The following DNM3 variants were observed in gnomAD, a reference collection of about 807,000 sequenced individuals.
The protein encoded by DNM3 is dynamin 3.
DNM3 carries 47 observed loss-of-function variants against 101.6 expected under a neutral mutation model. That is an observed-to-expected ratio of 0.46 (90% CI 0.37 to 0.59). The LOEUF is 0.59. Ranked by LOEUF, DNM3 falls within the 20% of genes least tolerant of loss-of-function variation. DNM3 has a pLI of 0.00. For missense variants in DNM3, 849 were observed against 1,085.7 expected (o/e 0.78, Z 3.06); for synonymous variants, 385 against 387.9 (o/e 0.99, Z 0.09).
intron 15 of DNM3, among the ~76,000 whole-genome samples, chr1:172,257,731 C>G (rs953637950): frequency 6.6e-6 from 1 of 152,092 alleles, no homozygotes. Context: ...GTCCTCACTT[C>G]TAGCTATTTT....
At chr1:172,412,806 T>G (rs2071284596), downstream of DNM3, 1 of 922,150 alleles carries the variant, frequency 1.1e-6, no homozygotes, top group Non-Finnish European at 1.3e-6. Flanking sequence ...GCTCTTTTGA[T>G]TAAATTGTCC....
chr1:172,166,292 G>C (rs188660541), intron 14 of DNM3, among the ~76,000 whole-genome samples: 35 of 152,204 alleles, frequency 2.3e-4, no homozygotes, highest in African/African-American at 8.2e-4. Flanking sequence ...AATTAAATAG[G>C]TGATTAGCTT....
chr1:171,970,228 TA>T (rs371951801), intron 2 of DNM3: 1 of 548,810 alleles, frequency 1.8e-6, no homozygotes, highest in African/African-American at 2.0e-5. Context: ...AACTCAGAAC[TA>T]CTGAAGAATA....
At position 172,108,127 on chromosome 1, in the gene DNM3, T is replaced by C. The variant is rs1399296867; in HGVS notation, c.1545+15252T>C. Among the ~76,000 whole-genome samples, 3 of 152,188 alleles carry C rather than the reference T, an allele frequency of 2.0e-5. 1 individual carries two copies. Among genetic ancestry groups the C allele is most frequent in the Non-Finnish European group, 4.4e-5 (3 of 68,030 alleles). On this transcript the variant is annotated intron_variant, in intron 13 of 20. Coordinates refer to ENST00000627582, the MANE Select transcript of DNM3 (RefSeq NM_015569.5). Reference sequence around the variant, plus strand: ...TTTTATCATAAATTTTAAAATTTTGTTTTGTAATTGGATAATCCTATTCGA... The same window carrying C: ...TTTTATCATAAATTTTAAAATTTTGCTTTGTAATTGGATAATCCTATTCGA...
At chr1:172,236,364 T>C (rs1291320958) in intron 14 of DNM3, among the ~76,000 whole-genome samples, 6 of 152,176 alleles carry the variant, frequency 3.9e-5, no homozygotes. Flanking sequence ...ATTGAGACTT[T>C]TTCATGGAGA....
At chr1:171,884,732 T>A (rs1202430303) in intron 1 of DNM3, among the ~76,000 whole-genome samples, 1 of 152,206 alleles carries the variant, frequency 6.6e-6, no homozygotes, top group Non-Finnish European at 1.5e-5. Flanking sequence ...AGTTCAGACT[T>A]GTTCACATGA....
intron 4 of DNM3, among the ~76,000 whole-genome samples, chr1:172,016,189 AAAAAAAAAAAG>A (rs1217219700): frequency 4.0e-5 from 6 of 151,404 alleles, no homozygotes; most frequent in African/African-American, 1.5e-4. Flanking sequence ...TCCATCTCAA[AAAAAAAAAAAG>A]AAAAAAAAAA....
At chr1:172,221,634 T>C (rs1441693171) in intron 14 of DNM3, among the ~76,000 whole-genome samples, 1 of 152,138 alleles carries the variant, frequency 6.6e-6, no homozygotes, top group Admixed American at 6.6e-5. Context: ...TTCTTCCAGA[T>C]ATCCACATTG....
chr1:172,014,825 G>C (rs967437164), intron 4 of DNM3, among the ~76,000 whole-genome samples: 3 of 151,762 alleles, frequency 2.0e-5, no homozygotes, highest in Admixed American at 6.6e-5. Context: ...TTTCTTTCAT[G>C]GATCATGTCT....
intron 17 of DNM3, among the ~76,000 whole-genome samples, chr1:172,361,703 T>C (rs1261331146): frequency 6.6e-6 from 1 of 151,938 alleles, no homozygotes; most frequent in East Asian, 1.9e-4. Context: ...GTTCTCTCCT[T>C]ACCCTGAGCT....
At chr1:171,898,976 G>A (rs1429840177) in intron 1 of DNM3, among the ~76,000 whole-genome samples, 6 of 152,140 alleles carry the variant, frequency 3.9e-5, no homozygotes, top group Admixed American at 3.9e-4. Context: ...TGAAACTAAC[G>A]TGAGTTTGTA....
At chr1:172,023,851 T>C (rs920254836) in intron 4 of DNM3, among the ~76,000 whole-genome samples, 10 of 151,880 alleles carry the variant, frequency 6.6e-5, no homozygotes, top group Non-Finnish European at 1.2e-4. Flanking sequence ...ATGTGGTTTT[T>C]TTTTTTTTCC....
chr1:172,411,388 C>T lies in DNM3; in HGVS notation c.*3547C>T. The T allele has an allele frequency of 2.0e-6, 2 of 985,012 alleles. No homozygotes were observed. Among genetic ancestry groups the T allele is most frequent in the Non-Finnish European group, 2.4e-6 (2 of 829,684 alleles). The allele number at this position is 985,012 out of a possible 1,614,324, so 61.0% of individuals were successfully genotyped here. On this transcript the variant is annotated 3_prime_UTR_variant, in exon 21 of 21. Transcript: ENST00000627582. ...AAGATCTGAATCTAAGAAGGAATTA[C>T]CTTTGACAATATTTTTCGGTAAGAA...
At chr1:172,034,637 ACT>A (rs1160620002) in intron 6 of DNM3, among the ~76,000 whole-genome samples, 1 of 151,932 alleles carries the variant, frequency 6.6e-6, no homozygotes, top group East Asian at 1.9e-4. Context: ...CTGGATAATC[ACT>A]CTCTCTTTAT....
At chr1:172,008,549 T>C (rs898657979) in intron 4 of DNM3, among the ~76,000 whole-genome samples, 1 of 150,440 alleles carries the variant, frequency 6.6e-6, no homozygotes, top group African/African-American at 2.4e-5. Context: ...TTTTGTTCCA[T>C]TGGTCTAGTT....
rs1460243275 is a variant in DNM3, at chr1:172,411,450, T to C, written c.*3609T>C. The stretch of plus-strand genomic sequence containing the variant: ...GGAGACCTATCTTTAAGATCTCTAA[T>C]TGGAATTATAAATTATTTTTGGATT... On this transcript the variant is annotated 3_prime_UTR_variant, in exon 21 of 21. Transcript: ENST00000627582. 1.0e-6 allele frequency: 1 copy of C among 984,546 alleles called. No homozygotes were observed. The highest frequency in any genetic ancestry group is 1.2e-6 in the Non-Finnish European group (1 of 829,334). 61.0% of individuals were successfully genotyped at this position (984,546 alleles called of 1,614,324 possible).
intron 1 of DNM3, among the ~76,000 whole-genome samples, chr1:171,908,238 A>T (rs2038988748): frequency 6.6e-6 from 1 of 152,218 alleles, no homozygotes; most frequent in Non-Finnish European, 1.5e-5. Flanking sequence ...AGGAGATAAG[A>T]TATGAATTTT....
At chr1:172,041,946 G>GA (rs2049423469) in intron 7 of DNM3, 63 bp from the exon 8 acceptor site, 2 of 1,493,368 alleles carry the variant, frequency 1.3e-6, no homozygotes, top group Admixed American at 5.0e-5. Flanking sequence ...CATAGGAAAA[G>GA]AAAATGAAGA....
chr1:172,317,122 C>G (rs1159806625), intron 16 of DNM3, among the ~76,000 whole-genome samples: 1 of 151,340 alleles, frequency 6.6e-6, no homozygotes, highest in Non-Finnish European at 1.5e-5. Context: ...ACTGAACAAC[C>G]TGCTCCTGAA....
Sources: allele counts gnomAD v4.1 joint callset (sites outside exome capture counted in the v4.1 genomes callset), GRCh38; gene constraint gnomAD v4.1.1; transcripts MANE v1.5; gene names NCBI Gene and HGNC (gene_info 2026-07-23, HGNC 2026-07-21).